Variants in LONP2 observed in about 807,000 individuals in gnomAD.
LONP2 encodes the protein lon protease homolog 2, peroxisomal.
In LONP2, 60 loss-of-function variants were observed where a neutral mutation model predicts 85.6. That is an observed-to-expected ratio of 0.70 (90% CI 0.57 to 0.87). LONP2 has a LOEUF of 0.87. Among genes scored for constraint, LONP2 ranks in the 40% least tolerant of loss-of-function variants. The pLI is 0.00. For synonymous variants in LONP2, 395 were observed against 389.7 expected, an observed-to-expected ratio of 1.01 and a Z score of -0.16; for missense variants, 860 against 1,063.5, an observed-to-expected ratio of 0.81 and a Z score of 2.66.
chr16:48,312,282 C>A (rs995245963), intron 11 of LONP2, among the ~76,000 whole-genome samples: 1 of 152,042 alleles, frequency 6.6e-6, no homozygotes, highest in East Asian at 1.9e-4. Context: ...AATTCTTTAT[C>A]TGGCATTTTG....
intron 3 of LONP2, 66 bp from the exon 4 acceptor site, chr16:48,258,552 T>C (rs1971810937): frequency 2.7e-6 from 4 of 1,498,206 alleles, no homozygotes; most frequent in Non-Finnish European, 3.6e-6. Context: ...ACCATGGCTC[T>C]GACTGTCTGT....
At chr16:48,316,863 A>AT (rs1269178320) in intron 11 of LONP2, among the ~76,000 whole-genome samples, 4 of 150,740 alleles carry the variant, frequency 2.7e-5, no homozygotes, top group Non-Finnish European at 5.9e-5. Flanking sequence ...CATTTCTTGT[A>AT]TTTTTTTACT....
chr16:48,326,529 GA>G (rs1567343182), intron 11 of LONP2, among the ~76,000 whole-genome samples: 1 of 152,070 alleles, frequency 6.6e-6, no homozygotes, highest in Admixed American at 6.6e-5. Flanking sequence ...ATTCTGTCTT[GA>G]ATAAAGATGA....
At chr16:48,302,849 A>C (rs1167288783) in intron 10 of LONP2, among the ~76,000 whole-genome samples, 2 of 152,238 alleles carry the variant, frequency 1.3e-5, no homozygotes, top group African/African-American at 4.8e-5. Flanking sequence ...ACTCTTCAAC[A>C]AATTACCGAG....
chr16:48,316,042 C>G (rs984075561), intron 11 of LONP2, among the ~76,000 whole-genome samples: 3 of 145,568 alleles, frequency 2.1e-5, no homozygotes, highest in Non-Finnish European at 4.5e-5. Flanking sequence ...GAGTCTCACT[C>G]TGTCACCCAG....
Position 48,335,170 on chromosome 16 carries a change from T to C in LONP2, c.1938+812T>C, listed in dbSNP as rs145435650. 2.5e-3 allele frequency among the ~76,000 whole-genome samples: 381 copies of C among 152,342 alleles called. 1 individual carries two copies. The highest frequency in any genetic ancestry group is 4.3e-3 in the Non-Finnish European group (293 of 68,038). On this transcript the variant is annotated intron_variant, in intron 12 of 14. Coordinates refer to ENST00000285737, the MANE Select transcript of LONP2 (RefSeq NM_031490.5). ...TTCTTAGAAAAATTACATATTCTTA[T>C]GTGTACTTTAAGGAGGGATTTCTTT...
At chr16:48,318,095 T>C (rs1390742183) in intron 11 of LONP2, among the ~76,000 whole-genome samples, 2 of 149,698 alleles carry the variant, frequency 1.3e-5, no homozygotes, top group Non-Finnish European at 3.0e-5. Context: ...AAAAAAAAAA[T>C]GCAGAAAGGA....
intron 11 of LONP2, among the ~76,000 whole-genome samples, chr16:48,321,518 T>C (rs1005893528): frequency 6.6e-6 from 1 of 152,184 alleles, no homozygotes; most frequent in Non-Finnish European, 1.5e-5. Flanking sequence ...TGCTTAATGA[T>C]GGGGATAATG....
At chr16:48,303,751 C>G (rs924950140) in intron 11 of LONP2, among the ~76,000 whole-genome samples, 1 of 152,132 alleles carries the variant, frequency 6.6e-6, no homozygotes, top group Non-Finnish European at 1.5e-5. Flanking sequence ...GTGGCCGAAG[C>G]CCCAAGAGCC....
At chr16:48,300,983 T>C (rs1293572460) in intron 10 of LONP2, among the ~76,000 whole-genome samples, 1 of 152,232 alleles carries the variant, frequency 6.6e-6, no homozygotes, top group Non-Finnish European at 1.5e-5. Context: ...GAGAACTGTT[T>C]CTTTTTTTAT....
intron 11 of LONP2, among the ~76,000 whole-genome samples, chr16:48,309,670 G>A (rs1024028222): frequency 2.0e-5 from 3 of 152,110 alleles, no homozygotes; most frequent in African/African-American, 7.2e-5. Context: ...TTTCTCTTCA[G>A]ATTGATTTTT....
At chr16:48,269,124 A>G (rs1354697915) in intron 6 of LONP2, among the ~76,000 whole-genome samples, 1 of 152,034 alleles carries the variant, frequency 6.6e-6, no homozygotes, top group Non-Finnish European at 1.5e-5. Context: ...CTAGAAACAA[A>G]GCCTAACTCA....
chr16:48,280,002 A>T (rs2150984031), intron 8 of LONP2, among the ~76,000 whole-genome samples: 1 of 152,250 alleles, frequency 6.6e-6, no homozygotes, highest in East Asian at 1.9e-4. Flanking sequence ...TTTTAGTCTC[A>T]GAAGTGGGTT....
chr16:48,255,194 A>T (rs1971733175), intron 2 of LONP2, among the ~76,000 whole-genome samples: 1 of 152,186 alleles, frequency 6.6e-6, no homozygotes, highest in Non-Finnish European at 1.5e-5. Flanking sequence ...CTCATGCTTC[A>T]TGCCTGAGAC....
intron 1 of LONP2, chr16:48,247,420 A>G (rs1971469056): frequency 6.6e-6 from 1 of 152,514 alleles, no homozygotes; most frequent in African/African-American, 2.4e-5. Flanking sequence ...AAAGAGCAGC[A>G]GAAGTAATTT....
chr16:48,250,050 G>A (rs191518195), intron 1 of LONP2, among the ~76,000 whole-genome samples: 47 of 152,164 alleles, frequency 3.1e-4, no homozygotes, highest in Admixed American at 2.8e-3. Flanking sequence ...AAATTAGCTG[G>A]GCGTGGTGGT....
intron 14 of LONP2, among the ~76,000 whole-genome samples, chr16:48,349,775 A>ACAGGAAAATGGAATGGAAC (rs2151034617): frequency 6.6e-6 from 1 of 152,382 alleles, no homozygotes. Flanking sequence ...GTTCTAACAA[A>ACAGGAAAATGGAATGGAAC]CAGGAAAATG....
At chr16:48,303,133 G>T (rs376680204) in intron 10 of LONP2, 39 bp from the exon 11 acceptor site, 7 of 1,607,492 alleles carry the variant, frequency 4.4e-6, no homozygotes, top group African/African-American at 2.7e-5. Context: ...TTTTTAAGTG[G>T]TATATAGTCA....
Position 48,303,286 on chromosome 16 carries a change from T to C in LONP2, c.1776T>C (p.Ser592=). The part of the protein sequence containing the change: ...GQHKEAKLDR[S]DVTEREGCRE... ...ATAAGGAAGCCAAGTTGGACCGTTC[T>C]GATGTGACTGAGAGAGAAGGTTGGT... The change falls in exon 11 of 15, where the codon TCT becomes TCC. Residue 592 remains serine, a synonymous_variant. Coordinates refer to ENST00000285737, the MANE Select transcript of LONP2 (RefSeq NM_031490.5). 6.2e-7 allele frequency: 1 copy of C among 1,614,018 alleles called. No homozygotes were observed. Among genetic ancestry groups the C allele is most frequent in the Non-Finnish European group, 8.5e-7 (1 of 1,179,900 alleles).
Sources: gnomAD v4.1 joint callset for allele counts (sites outside exome capture counted in the v4.1 genomes callset) on GRCh38, gnomAD v4.1.1 for gene constraint, MANE v1.5 for transcripts, NCBI Gene and HGNC (gene_info 2026-07-23, HGNC 2026-07-21) for gene names.